The following ANKRD17 variants were observed in gnomAD, a reference collection of about 807,000 sequenced individuals.
The protein encoded by ANKRD17 is ankyrin repeat domain 17, also known as ankyrin repeat domain-containing protein 17.
ANKRD17 carries 19 observed loss-of-function variants against 229.7 expected under a neutral mutation model. That is an observed-to-expected ratio of 0.08 (90% confidence interval 0.06 to 0.12). The LOEUF (loss-of-function observed/expected upper bound fraction) is 0.12. ANKRD17 is among the 10% of genes least tolerant of loss of function. ANKRD17 has a pLI of 1.00. For missense variants in ANKRD17, 2,176 were observed against 3,176.8 expected, an observed-to-expected ratio of 0.68 and a Z score of 7.57; for synonymous variants, 1,112 against 1,146.1, an observed-to-expected ratio of 0.97 and a Z score of 0.60.
intron 1 of ANKRD17, among the ~76,000 whole-genome samples, chr4:73,211,033 G>C (rs1018345141): frequency 4.6e-5 from 7 of 151,278 alleles, no homozygotes; most frequent in Non-Finnish European, 8.8e-5. Flanking sequence ...AATCATTTTG[G>C]GGGATGAAAT....
intron 1 of ANKRD17, among the ~76,000 whole-genome samples, chr4:73,243,072 C>T (rs1314173021): frequency 6.6e-6 from 1 of 152,052 alleles, no homozygotes; most frequent in East Asian, 1.9e-4. Flanking sequence ...CAGGGGAACA[C>T]CACACTAGGA....
At chr4:73,090,562 T>A in intron 29 of ANKRD17, 105 bp downstream of exon 29, 1 of 1,408,988 alleles carries the variant, frequency 7.1e-7, no homozygotes, top group South Asian at 1.3e-5. Flanking sequence ...TCCAACAATC[T>A]TTGTCTATAT....
chr4:73,240,306 A>T, intron 1 of ANKRD17, among the ~76,000 whole-genome samples: 1 of 152,136 alleles, frequency 6.6e-6, no homozygotes, highest in East Asian at 1.9e-4. Flanking sequence ...TTTAAGCAAT[A>T]AAAGAAGAAA....
At position 73,113,915 on chromosome 4, in the gene ANKRD17, T is replaced by G. The variant is rs767029063; in HGVS notation, c.4285-7A>C. On this transcript the variant is annotated splice_polypyrimidine_tract_variant and splice_region_variant and intron_variant, in intron 23 of 33. Coordinates refer to ENST00000358602, the MANE Select transcript of ANKRD17 (RefSeq NM_032217.5). Reference sequence around the variant, plus strand: ...GACACTTCTTCAGCATCTCCTATAATGAAAAATTAAGATTTTTCCAGGCTC... The same window carrying G: ...GACACTTCTTCAGCATCTCCTATAAGGAAAAATTAAGATTTTTCCAGGCTC... The G allele has an allele frequency of 6.3e-7, 1 of 1,588,468 alleles. No individual in the cohort carries two copies. The highest frequency in any genetic ancestry group is 1.1e-5 in the South Asian group (1 of 88,874).
intron 1 of ANKRD17, among the ~76,000 whole-genome samples, chr4:73,228,568 T>C (rs540638466): frequency 6.6e-6 from 1 of 152,182 alleles, no homozygotes; most frequent in African/African-American, 2.4e-5. Flanking sequence ...ATAACCTACA[T>C]ATTTCAAGCA....
At chr4:73,139,393 G>T in intron 15 of ANKRD17, 138 bp downstream of exon 15, 1 of 985,552 alleles carries the variant, frequency 1.0e-6, no homozygotes, top group Non-Finnish European at 1.5e-6. Context: ...TTCTGAGATT[G>T]AACTAATACT....
intron 1 of ANKRD17, among the ~76,000 whole-genome samples, chr4:73,196,510 G>A (rs559263405): frequency 3.1e-4 from 47 of 152,088 alleles, no homozygotes; most frequent in Middle Eastern, 3.4e-3. Flanking sequence ...ATATATACAC[G>A]TATGTGTATG....
At chr4:73,128,986 G>A (rs1727830035) in intron 16 of ANKRD17, among the ~76,000 whole-genome samples, 1 of 152,148 alleles carries the variant, frequency 6.6e-6, no homozygotes, top group African/African-American at 2.4e-5. Flanking sequence ...CTATTTTGTA[G>A]AAGGCAAAGT....
At chr4:73,164,774 A>C (rs1422634604) in intron 2 of ANKRD17, among the ~76,000 whole-genome samples, 1 of 151,904 alleles carries the variant, frequency 6.6e-6, no homozygotes, top group Non-Finnish European at 1.5e-5. Flanking sequence ...GCTGGGCGAC[A>C]AAATGAGACT....
At chr4:73,103,878 T>G (rs1724298150) in intron 24 of ANKRD17, 1 of 150,894 alleles carries the variant, frequency 6.6e-6, no homozygotes, top group African/African-American at 2.4e-5. Flanking sequence ...GTATACCAAC[T>G]TTAGTGACAC....
chr4:73,107,097 T>G (rs1724736605), intron 24 of ANKRD17, among the ~76,000 whole-genome samples: 1 of 151,892 alleles, frequency 6.6e-6, no homozygotes, highest in African/African-American at 2.4e-5. Context: ...TAAAAGGTGA[T>G]GGTAGTGATG....
At chr4:73,125,916 T>C (rs1027909745) in intron 16 of ANKRD17, among the ~76,000 whole-genome samples, 2 of 152,054 alleles carry the variant, frequency 1.3e-5, no homozygotes, top group East Asian at 1.9e-4. Context: ...TGGAGAAACA[T>C]AGATCAGATT....
At position 73,078,688 on chromosome 4, in the gene ANKRD17, T is replaced by A; in HGVS notation, c.7362A>T (p.Val2454=). ...SVIGSNLSTS[V]GHSGIWSFEG... is the part of the protein sequence containing the mutation. ...CAAAGGACCAGATGCCACTATGTCC[T>A]ACTGATGTAGACAAATTGCTCCCAA... The change falls in exon 31 of 34, where the codon GTA becomes GTT. Residue 2454 remains valine, a synonymous_variant. Transcript: ENST00000358602. 6.2e-7 allele frequency: 1 copy of A among 1,614,244 alleles called. No homozygotes were observed. Among genetic ancestry groups the A allele is most frequent in the Non-Finnish European group, 8.5e-7 (1 of 1,180,030 alleles).
chr4:73,221,144 G>C (rs1741797381), intron 1 of ANKRD17, among the ~76,000 whole-genome samples: 1 of 152,036 alleles, frequency 6.6e-6, no homozygotes, highest in Non-Finnish European at 1.5e-5. Context: ...TAAGTCAAAT[G>C]ATATTTTAAA....
chr4:73,218,440 A>G (rs1741389103), intron 1 of ANKRD17, among the ~76,000 whole-genome samples: 1 of 151,966 alleles, frequency 6.6e-6, no homozygotes, highest in Non-Finnish European at 1.5e-5. Flanking sequence ...ATCAGGAGTT[A>G]GTGACCAGCC....
intron 29 of ANKRD17, among the ~76,000 whole-genome samples, chr4:73,088,151 T>C (rs1722395633): frequency 1.3e-5 from 2 of 152,052 alleles, no homozygotes; most frequent in African/African-American, 2.4e-5. Flanking sequence ...TAAAAACAGA[T>C]CTGAGTCTAA....
intron 1 of ANKRD17, among the ~76,000 whole-genome samples, chr4:73,181,267 T>C (rs1160731508): frequency 6.6e-6 from 1 of 151,910 alleles, no homozygotes; most frequent in Non-Finnish European, 1.5e-5. Context: ...AAAATACTGT[T>C]TAATACTATG....
At chr4:73,081,748 C>T (rs1441946394) in intron 30 of ANKRD17, among the ~76,000 whole-genome samples, 1 of 152,058 alleles carries the variant, frequency 6.6e-6, no homozygotes, top group Non-Finnish European at 1.5e-5. Context: ...ATGAAGTGGC[C>T]TAAGGATTTA....
chr4:73,179,821 A>C (rs1294713459), intron 1 of ANKRD17, among the ~76,000 whole-genome samples: 1 of 151,956 alleles, frequency 6.6e-6, no homozygotes. Context: ...AGAATTTTAA[A>C]GGCTGACTAA....
Sources: allele counts gnomAD v4.1 joint callset (sites outside exome capture counted in the v4.1 genomes callset), GRCh38; gene constraint gnomAD v4.1.1; transcripts MANE v1.5; gene names NCBI Gene and HGNC (gene_info 2026-07-23, HGNC 2026-07-21).